Variants in DENND1A observed in about 807,000 individuals in gnomAD.
DENND1A encodes DENN domain-containing protein 1A.
In DENND1A, 51 loss-of-function variants were observed where a neutral mutation model predicts 113.7. The ratio of observed to expected loss-of-function variants is 0.45; its 90% confidence interval spans 0.36 to 0.57. The LOEUF (loss-of-function observed/expected upper bound fraction) is 0.57. Among genes scored for constraint, DENND1A ranks in the 20% least tolerant of loss-of-function variants. The probability of loss-of-function intolerance (pLI) is 0.00; values close to 1 mark genes in which losing one functional copy is unlikely to be tolerated. For synonymous variants in DENND1A, 565 were observed against 570.8 expected (o/e 0.99, Z 0.14); for missense variants, 1,258 against 1,395.9 (o/e 0.90, Z 1.57).
chr9:123,445,671 G>A (rs1419267528), intron 18 of DENND1A, among the ~76,000 whole-genome samples: 1 of 152,210 alleles, frequency 6.6e-6, no homozygotes. Flanking sequence ...AGGAGTTCGA[G>A]ACCAGCCTGG....
intron 9 of DENND1A, among the ~76,000 whole-genome samples, chr9:123,632,627 T>C (rs1372646634): frequency 2.6e-5 from 4 of 152,164 alleles, no homozygotes; most frequent in Admixed American, 2.0e-4. Flanking sequence ...TCAGAAGTCT[T>C]TGGGGACAAG....
In DENND1A at chr9:123,784,408, T is replaced by C. The variant is rs376498461; in HGVS notation, c.132+8179A>G. Among the ~76,000 whole-genome samples, 5 of 152,092 alleles carry C rather than the reference T, an allele frequency of 3.3e-5. No individual in the cohort carries two copies. In the South Asian group the frequency reaches 1.0e-3, roughly 32 times the overall value. ...ATGTGAGAGAAGCTTTGAGTGTGAA[T>C]GCAGAGGGAAACAGAAGAATAGGAC... On this transcript the variant is annotated intron_variant, in intron 3 of 23. Coordinates refer to ENST00000394215, the MANE Select transcript of DENND1A (RefSeq NM_001352964.2).
chr9:123,865,276 G>A (rs1845652135), intron 2 of DENND1A, among the ~76,000 whole-genome samples: 2 of 152,264 alleles, frequency 1.3e-5, no homozygotes, highest in African/African-American at 2.4e-5. Flanking sequence ...CAGGCCCCAC[G>A]AAGCCTAAAT....
At chr9:123,859,721 A>G (rs1844787236) in intron 2 of DENND1A, among the ~76,000 whole-genome samples, 1 of 152,196 alleles carries the variant, frequency 6.6e-6, no homozygotes, top group African/African-American at 2.4e-5. Context: ...TCATCATTAG[A>G]TTCCCCATTT....
At chr9:123,605,174 T>C (rs141002211) in intron 11 of DENND1A, among the ~76,000 whole-genome samples, 9 of 152,298 alleles carry the variant, frequency 5.9e-5, no homozygotes, top group African/African-American at 2.2e-4. Flanking sequence ...TGTCTGGAAC[T>C]GTCATTGCTG....
At chr9:123,820,097 G>C (rs754607897) in intron 2 of DENND1A, among the ~76,000 whole-genome samples, 2 of 152,108 alleles carry the variant, frequency 1.3e-5, no homozygotes, top group Non-Finnish European at 2.9e-5. Flanking sequence ...GTAAAAGTGA[G>C]GGACAAAAAG....
At chr9:123,633,583 T>C (rs189135121) in intron 9 of DENND1A, among the ~76,000 whole-genome samples, 160 of 152,228 alleles carry the variant, frequency 1.1e-3, no homozygotes, top group Admixed American at 2.0e-3. Flanking sequence ...AAGACCAGCC[T>C]GGCCAACATG....
chr9:123,581,824 C>G (rs1476067007), intron 12 of DENND1A, among the ~76,000 whole-genome samples: 4 of 152,116 alleles, frequency 2.6e-5, no homozygotes, highest in African/African-American at 9.7e-5. Flanking sequence ...CTCTGGAAGT[C>G]AGGATAACTC....
intron 2 of DENND1A, among the ~76,000 whole-genome samples, chr9:123,860,780 G>T (rs1383773420): frequency 6.6e-6 from 1 of 152,196 alleles, no homozygotes; most frequent in African/African-American, 2.4e-5. Flanking sequence ...GAAAGCCTAT[G>T]TCCTCCGCTT....
chr9:123,654,483 G>A lies in DENND1A; in HGVS notation c.508-2360C>T, dbSNP rs368203760. Among the ~76,000 whole-genome samples, 3 of 152,066 alleles carry A rather than the reference G, an allele frequency of 2.0e-5. No homozygotes were observed. In the East Asian group the frequency reaches 5.8e-4, roughly 29 times the overall value. Reference sequence around the variant, plus strand: ...ACACAGCGTCAGAGACAAATCCTGCGCCTTATTTTGGTGGGAGAAAAAAAA... The same window carrying A: ...ACACAGCGTCAGAGACAAATCCTGCACCTTATTTTGGTGGGAGAAAAAAAA... On this transcript the variant is annotated intron_variant, in intron 8 of 23. Transcript: ENST00000394215.
intron 10 of DENND1A, among the ~76,000 whole-genome samples, chr9:123,612,989 C>T (rs1034389167): frequency 6.6e-6 from 1 of 152,090 alleles, no homozygotes; most frequent in Non-Finnish European, 1.5e-5. Context: ...TTGTTCCAGC[C>T]CTGGTTCTGT....
At chr9:123,406,040 T>C (rs1312770368) in intron 20 of DENND1A, among the ~76,000 whole-genome samples, 2 of 150,628 alleles carry the variant, frequency 1.3e-5, no homozygotes, top group Non-Finnish European at 3.0e-5. Context: ...CACACTCCAC[T>C]TCCTGCCCAC....
chr9:123,706,171 T>G (rs2066186843), intron 5 of DENND1A, among the ~76,000 whole-genome samples: 1 of 137,300 alleles, frequency 7.3e-6, no homozygotes, highest in South Asian at 2.3e-4. Context: ...TGAGACGGAG[T>G]CTTGCTCTGT....
intron 2 of DENND1A, among the ~76,000 whole-genome samples, chr9:123,820,332 T>C (rs1838254512): frequency 6.6e-6 from 1 of 152,242 alleles, no homozygotes; most frequent in African/African-American, 2.4e-5. Flanking sequence ...GAGTCATTAT[T>C]GGGTATAGGC....
chr9:123,755,327 A>G (rs570033992), intron 5 of DENND1A, among the ~76,000 whole-genome samples: 1 of 150,096 alleles, frequency 6.7e-6, no homozygotes, highest in East Asian at 2.0e-4. Context: ...TTTTTTCAGT[A>G]GAGATGGGGT....
At chr9:123,507,976 T>C (rs1184769488) in intron 13 of DENND1A, among the ~76,000 whole-genome samples, 2 of 152,224 alleles carry the variant, frequency 1.3e-5, no homozygotes, top group Non-Finnish European at 2.9e-5. Flanking sequence ...AACAACTTGC[T>C]TTTTATCTTT....
At chr9:123,477,981 T>G (rs1375824622) in intron 13 of DENND1A, among the ~76,000 whole-genome samples, 1 of 152,160 alleles carries the variant, frequency 6.6e-6, no homozygotes, top group African/African-American at 2.4e-5. Flanking sequence ...GAGGGGTCTG[T>G]TCATCCCTGG....
intron 1 of DENND1A, among the ~76,000 whole-genome samples, chr9:123,917,283 T>G (rs930770814): frequency 4.6e-5 from 7 of 152,146 alleles, no homozygotes; most frequent in African/African-American, 1.7e-4. Flanking sequence ...AAACAGTAAT[T>G]TGACTACAGT....
At chr9:123,819,729 G>A (rs942786769) in intron 2 of DENND1A, among the ~76,000 whole-genome samples, 2 of 152,112 alleles carry the variant, frequency 1.3e-5, no homozygotes, top group East Asian at 1.9e-4. Flanking sequence ...GTAGAGACAC[G>A]GTTTCACCAT....
Sources: gnomAD v4.1 joint callset for allele counts (sites outside exome capture counted in the v4.1 genomes callset) on GRCh38, gnomAD v4.1.1 for gene constraint, MANE v1.5 for transcripts, NCBI Gene and HGNC (gene_info 2026-07-23, HGNC 2026-07-21) for gene names.